The following LTA4H variants were observed in gnomAD, a reference collection of about 807,000 sequenced individuals.
LTA4H encodes the protein leukotriene A-4 hydrolase.
In LTA4H, 59 loss-of-function variants were observed where a neutral mutation model predicts 89.8. The ratio of observed to expected loss-of-function variants is 0.66; its 90% confidence interval spans 0.53 to 0.82. The LOEUF (loss-of-function observed/expected upper bound fraction) is 0.82, where lower values mean the gene tolerates loss of function less well. LTA4H is among the 40% of genes least tolerant of loss of function. The pLI is 0.00. For missense variants in LTA4H, 617 were observed against 727.0 expected (o/e 0.85, Z 1.74); for synonymous variants, 227 against 253.1 (o/e 0.90, Z 0.98).
intron 2 of LTA4H, 40 bp downstream of exon 2, chr12:96,029,015 A>G: frequency 1.3e-6 from 2 of 1,484,088 alleles, no homozygotes; most frequent in Middle Eastern, 1.9e-4. Flanking sequence ...ATGTTTCCCC[A>G]TTATTTAGCT....
At chr12:96,005,151 T>C (rs1465099185) in intron 16 of LTA4H, among the ~76,000 whole-genome samples, 3 of 152,198 alleles carry the variant, frequency 2.0e-5, no homozygotes, top group African/African-American at 7.2e-5. Context: ...CGGTTTCATC[T>C]ATTCTTTCAA....
Position 96,027,429 on chromosome 12 carries a change from T to C in LTA4H, c.411+15A>G. On this transcript the variant is annotated intron_variant, in intron 3 of 18. Coordinates refer to ENST00000228740, the MANE Select transcript of LTA4H (RefSeq NM_000895.3). ...AAATTTTCTGCATCAGAAATCATTC[T>C]GGAATCCTTTTTACCTGGCACTGAC... is the stretch of plus-strand genomic sequence containing the variant. 6.4e-7 allele frequency: 1 copy of C among 1,562,312 alleles called. No individual in the cohort carries two copies. The highest frequency in any genetic ancestry group is 8.6e-7 in the Non-Finnish European group (1 of 1,160,604).
At chr12:96,012,122 A>G (rs1031402956) in intron 14 of LTA4H, 3 of 152,260 alleles carry the variant, frequency 2.0e-5, no homozygotes, top group Admixed American at 2.0e-4. Flanking sequence ...CATTTGTTCC[A>G]TACTCAGAAC....
chr12:96,012,128 A>G (rs61054267), intron 14 of LTA4H: 19,507 of 152,180 alleles, frequency 0.13, 1,555 homozygotes, highest in East Asian at 0.29. Context: ...TTCCATACTC[A>G]GAACTCCCAG....
chr12:96,028,854 C>A (rs934844341), intron 2 of LTA4H, among the ~76,000 whole-genome samples: 1 of 152,228 alleles, frequency 6.6e-6, no homozygotes, highest in South Asian at 2.1e-4. Flanking sequence ...GTATTATATA[C>A]AAACAACATT....
At chr12:96,043,364 C>T (rs753618654) in exon 1 of LTA4H, 1 of 1,534,330 alleles carries the variant, frequency 6.5e-7, no homozygotes, top group South Asian at 1.2e-5. Context: ...AAAGATTTCT[C>T]TGTGGCAGCA....
intron 2 of LTA4H, 141 bp from the exon 3 acceptor site, chr12:96,027,705 A>G (rs897717500): frequency 1.8e-5 from 8 of 452,352 alleles, no homozygotes; most frequent in Non-Finnish European, 2.7e-5. Context: ...GGTATGCCAC[A>G]TCCTCAGTGG....
chr12:96,006,746 G>A (rs1950209908), intron 15 of LTA4H, among the ~76,000 whole-genome samples: 1 of 152,024 alleles, frequency 6.6e-6, no homozygotes, highest in Admixed American at 6.5e-5. Flanking sequence ...CTAATCTATA[G>A]ACCAATTCAA....
chr12:96,006,592 T>C (rs1020884509), intron 15 of LTA4H, among the ~76,000 whole-genome samples, 183 bp from the exon 16 acceptor site: 1 of 152,204 alleles, frequency 6.6e-6, no homozygotes, highest in African/African-American at 2.4e-5. Flanking sequence ...TTTAAATAGC[T>C]GATATGACTC....
chr12:96,035,230 G>C (rs1319818750), intron 1 of LTA4H, 131 bp downstream of exon 1: 5 of 887,440 alleles, frequency 5.6e-6, no homozygotes, highest in Non-Finnish European at 8.4e-6. Context: ...GGCTACAGAA[G>C]AGCAGACGGG....
chr12:96,008,608 T>C (rs1489795658), intron 15 of LTA4H, among the ~76,000 whole-genome samples: 2 of 152,146 alleles, frequency 1.3e-5, no homozygotes, highest in Non-Finnish European at 1.5e-5. Context: ...AACATCAATT[T>C]TTCCCCCCAT....
chr12:96,041,504 CA>C (rs1395104221), intron 1 of LTA4H, among the ~76,000 whole-genome samples: 2 of 151,842 alleles, frequency 1.3e-5, no homozygotes, highest in Non-Finnish European at 2.9e-5. Context: ...CCTCTACATG[CA>C]TCAAAACATC....
rs1179694079 is a variant in LTA4H, at chr12:96,024,492, G to A, written c.467C>T (p.Thr156Ile). The change falls in exon 4 of 19, where the codon ACC becomes ATC. Residue 156 changes from threonine to isoleucine, a missense_variant. This residue lies in a region of LTA4H where 172 missense variants were observed against 244.5 expected (regional missense o/e 0.70). Transcript: ENST00000228740. ...CGTAATATTTACCTCTGCAGTATAGGTTAATTTCACAGAAGGAGTGTCCTG... is the reference window on the plus strand; with the variant it reads ...CGTAATATTTACCTCTGCAGTATAGATTAATTTCACAGAAGGAGTGTCCTG... ...PCQDTPSVKL[T>I]YTAEVSVPKE... The A allele has an allele frequency of 1.2e-6, 2 of 1,606,528 alleles. No individual in the cohort carries two copies. The highest frequency in any genetic ancestry group is 3.3e-5 in the Admixed American group (2 of 59,964).
At chr12:96,028,948 A>C (rs1297369093) in intron 2 of LTA4H, 107 bp downstream of exon 2, 1 of 876,612 alleles carries the variant, frequency 1.1e-6, no homozygotes, top group Non-Finnish European at 1.6e-6. Context: ...TGTACCAATC[A>C]TTACATATTT....
intron 16 of LTA4H, among the ~76,000 whole-genome samples, chr12:96,005,527 C>T (rs900447284): frequency 3.3e-5 from 5 of 152,162 alleles, no homozygotes; most frequent in African/African-American, 1.2e-4. Flanking sequence ...CCTTCACTGA[C>T]TTCCTTACCC....
chr12:96,014,760 G>T, intron 12 of LTA4H, 95 bp downstream of exon 12: 1 of 1,164,102 alleles, frequency 8.6e-7, no homozygotes, highest in Non-Finnish European at 1.2e-6. Context: ...TGAATTGGAA[G>T]TATTAAATGG....
At chr12:96,029,224 A>G (rs777156381) in intron 1 of LTA4H, 39 bp from the exon 2 acceptor site, 1 of 1,251,878 alleles carries the variant, frequency 8.0e-7, no homozygotes, top group Admixed American at 2.3e-5. Context: ...AAATAGTTTC[A>G]TTTACCAGAA....
upstream of LTA4H, chr12:96,035,682 G>T (rs1950634633): frequency 2.1e-6 from 3 of 1,421,682 alleles, no homozygotes; most frequent in Non-Finnish European, 2.8e-6. Flanking sequence ...GAGCGTTGGG[G>T]GATGGGTGAA....
At chr12:96,042,208 G>C (rs1428850305) in intron 1 of LTA4H, among the ~76,000 whole-genome samples, 1 of 151,792 alleles carries the variant, frequency 6.6e-6, no homozygotes, top group African/African-American at 2.4e-5. Flanking sequence ...TTGCCATGTT[G>C]CCCAGGCTGG....
Sources: gnomAD v4.1 joint callset for allele counts (sites outside exome capture counted in the v4.1 genomes callset) on GRCh38, gnomAD v4.1.1 for gene constraint, gnomAD v4.1.1 regional missense constraint, MANE v1.5 for transcripts, NCBI Gene and HGNC (gene_info 2026-07-23, HGNC 2026-07-21) for gene names.